Variants in MARCHF5 observed in about 807,000 individuals in gnomAD.
The protein encoded by MARCHF5 is membrane associated ring-CH-type finger 5.
A neutral mutation model predicts 36.5 loss-of-function variants in MARCHF5; 5 were observed. The observed-to-expected ratio is 0.14, with a 90% CI of 0.07 to 0.29. The LOEUF (loss-of-function observed/expected upper bound fraction) is 0.29, where lower values mean the gene tolerates loss of function less well. Among genes scored for constraint, MARCHF5 ranks in the 10% least tolerant of loss-of-function variants. MARCHF5 has a pLI of 1.00. For synonymous variants in MARCHF5, 103 were observed against 109.9 expected (o/e 0.94, Z 0.39); for missense variants, 179 against 336.3 (o/e 0.53, Z 3.66).
At chr10:92,317,792 C>A (rs1228164308) in intron 2 of MARCHF5, among the ~76,000 whole-genome samples, 5 of 151,044 alleles carry the variant, frequency 3.3e-5, no homozygotes, top group Admixed American at 6.6e-5. Context: ...GCTCTGTTGC[C>A]CAGGCTGGAG....
rs1396206417 is a variant in MARCHF5, at chr10:92,291,337, C to A, written c.-158C>A. 1 of 686,726 alleles carries A rather than the reference C, an allele frequency of 1.5e-6. No homozygotes were observed. The highest frequency in any genetic ancestry group is 3.1e-5 in the East Asian group (1 of 32,244). 42.5% of individuals were successfully genotyped at this position (686,726 alleles called of 1,614,324 possible). A position where few individuals can be genotyped will look rare whatever the true frequency, so the allele number is the denominator to read the frequency against. On this transcript the variant is annotated 5_prime_UTR_variant, in exon 1 of 6. Transcript: ENST00000358935. ...CGGACTCCCGCAGGCCCTGCACCGC[C>A]GCCGCCAGGCTAGCGGAGCTGCCCC... is the stretch of plus-strand genomic sequence containing the variant.
intron 2 of MARCHF5, 86 bp from the exon 3 acceptor site, chr10:92,340,587 T>C (rs1192272725): frequency 7.9e-7 from 1 of 1,263,244 alleles, no homozygotes; most frequent in African/African-American, 1.5e-5. Context: ...GGGGGGAAGG[T>C]ATTTTAGATC....
intron 2 of MARCHF5, among the ~76,000 whole-genome samples, chr10:92,317,893 G>A (rs529774462): frequency 6.6e-6 from 1 of 151,946 alleles, no homozygotes; most frequent in South Asian, 2.1e-4. Context: ...TGGGATTACA[G>A]GCACACGCCA....
intron 1 of MARCHF5, among the ~76,000 whole-genome samples, chr10:92,310,310 T>C (rs1457054104): frequency 6.6e-6 from 1 of 152,174 alleles, no homozygotes; most frequent in Non-Finnish European, 1.5e-5. Flanking sequence ...TGAACTGTAT[T>C]TGCCCTGATG....
At chr10:92,315,222 G>C (rs774915566) in intron 2 of MARCHF5, among the ~76,000 whole-genome samples, 1 of 152,152 alleles carries the variant, frequency 6.6e-6, no homozygotes, top group Non-Finnish European at 1.5e-5. Context: ...TACTCTGTAC[G>C]CTAGTGGCTT....
intron 2 of MARCHF5, among the ~76,000 whole-genome samples, chr10:92,313,247 A>T (rs1053454517): frequency 6.6e-6 from 1 of 151,902 alleles, no homozygotes; most frequent in Non-Finnish European, 1.5e-5. Context: ...AGAAAAAAGA[A>T]AAGAGTAAAA....
At chr10:92,346,709 C>G (rs1843649057) in intron 3 of MARCHF5, among the ~76,000 whole-genome samples, 1 of 151,886 alleles carries the variant, frequency 6.6e-6, no homozygotes. Flanking sequence ...TCTCAAACTC[C>G]TGACCTCAGG....
At chr10:92,334,972 CTTAATA>C (rs1564951769) in intron 2 of MARCHF5, among the ~76,000 whole-genome samples, 1 of 152,108 alleles carries the variant, frequency 6.6e-6, no homozygotes, top group African/African-American at 2.4e-5. Flanking sequence ...ATTTTCAAAA[CTTAATA>C]TTTATACAAA....
chr10:92,350,331 G>C (rs1403197658), intron 5 of MARCHF5: 3 of 154,004 alleles, frequency 1.9e-5, no homozygotes, highest in Non-Finnish European at 4.3e-5. Context: ...TAACCTGCAC[G>C]GACCTTGGAG....
chr10:92,313,018 G>A (rs577099635), intron 2 of MARCHF5, among the ~76,000 whole-genome samples: 3 of 152,252 alleles, frequency 2.0e-5, no homozygotes, highest in East Asian at 3.9e-4. Context: ...GGCAGATCAC[G>A]AGGTCAGGAG....
chr10:92,347,523 T>TAGATAGATGATA (rs58664499), intron 3 of MARCHF5, among the ~76,000 whole-genome samples: 13 of 86,924 alleles, frequency 1.5e-4, no homozygotes, highest in East Asian at 3.2e-4. Flanking sequence ...GATAGATAGA[T>TAGATAGATGATA]GATAGATATA....
chr10:92,312,403 GTTT>G (rs1564945530), intron 2 of MARCHF5, among the ~76,000 whole-genome samples: 3 of 152,204 alleles, frequency 2.0e-5, no homozygotes, highest in Non-Finnish European at 4.4e-5. Context: ...AGAAAGTAGT[GTTT>G]TCAAACATTT....
chr10:92,343,318 C>T (rs770976827), intron 3 of MARCHF5, among the ~76,000 whole-genome samples: 3 of 152,206 alleles, frequency 2.0e-5, no homozygotes, highest in Non-Finnish European at 4.4e-5. Context: ...GCAACTCCTG[C>T]CTGCTGTGAT....
chr10:92,314,337 A>G (rs959348720), intron 2 of MARCHF5, among the ~76,000 whole-genome samples: 1 of 152,176 alleles, frequency 6.6e-6, no homozygotes, highest in Non-Finnish European at 1.5e-5. Flanking sequence ...TAATGACATC[A>G]GTGTTATAAA....
chr10:92,312,000 T>A (rs1843150174), intron 2 of MARCHF5, among the ~76,000 whole-genome samples: 1 of 152,172 alleles, frequency 6.6e-6, no homozygotes. Flanking sequence ...ATTACAGCCA[T>A]ACAGTTATAA....
At chr10:92,314,671 A>G (rs1366482133) in intron 2 of MARCHF5, among the ~76,000 whole-genome samples, 2 of 149,316 alleles carry the variant, frequency 1.3e-5, no homozygotes, top group Non-Finnish European at 1.5e-5. Flanking sequence ...TATATCCTTC[A>G]TTTGAGTAGG....
chr10:92,328,818 T>A (rs1843400774), intron 2 of MARCHF5, among the ~76,000 whole-genome samples: 1 of 76,498 alleles, frequency 1.3e-5, no homozygotes, highest in East Asian at 3.2e-4. Context: ...TATATATATA[T>A]ATATTTTTTT....
chr10:92,347,499 TAGA>T (rs1843659409), intron 3 of MARCHF5, among the ~76,000 whole-genome samples: 1 of 88,366 alleles, frequency 1.1e-5, no homozygotes, highest in Non-Finnish European at 2.5e-5. Context: ...GATAGATAGA[TAGA>T]TAGATAGATA....
intron 2 of MARCHF5, among the ~76,000 whole-genome samples, chr10:92,312,401 G>GT (rs1467832880): frequency 6.6e-6 from 1 of 152,206 alleles, no homozygotes; most frequent in African/African-American, 2.4e-5. Flanking sequence ...AGAGAAAGTA[G>GT]TGTTTTCAAA....
Sources: gnomAD v4.1 joint callset for allele counts (sites outside exome capture counted in the v4.1 genomes callset) on GRCh38, gnomAD v4.1.1 for gene constraint, MANE v1.5 for transcripts, NCBI Gene and HGNC (gene_info 2026-07-23, HGNC 2026-07-21) for gene names.